HSF2BP: variants seen among roughly 807,000 people sequenced by gnomAD.
HSF2BP encodes heat shock factor 2-binding protein.
HSF2BP carries 35 observed loss-of-function variants against 35.0 expected under a neutral mutation model. That is an observed-to-expected ratio of 1.00 (90% CI 0.76 to 1.32). HSF2BP has a LOEUF of 1.32. Ranked by LOEUF, HSF2BP falls within the 40% of genes most tolerant of loss-of-function variation. The pLI is 0.00. For missense variants in HSF2BP, 326 were observed against 321.7 expected (o/e 1.01, Z -0.10); for synonymous variants, 114 against 117.4 (o/e 0.97, Z 0.18).
At chr21:43,650,202 T>C (rs1020746544) in intron 3 of HSF2BP, among the ~76,000 whole-genome samples, 26 of 152,166 alleles carry the variant, frequency 1.7e-4, no homozygotes, top group African/African-American at 6.3e-4. Flanking sequence ...AACCATCATA[T>C]ACTATTATAT....
intron 8 of HSF2BP, among the ~76,000 whole-genome samples, chr21:43,589,974 G>A (rs1249465552): frequency 2.0e-5 from 3 of 152,130 alleles, no homozygotes; most frequent in Admixed American, 6.5e-5. Context: ...CACTGATTTA[G>A]GAAAAAATTT....
chr21:43,625,201 C>T (rs2082374690), intron 6 of HSF2BP, among the ~76,000 whole-genome samples: 1 of 152,114 alleles, frequency 6.6e-6, no homozygotes, highest in Admixed American at 6.5e-5. Flanking sequence ...ACCAAAATCA[C>T]AGGTCTTCTT....
the HSF2BP span, among the ~76,000 whole-genome samples, chr21:43,459,410 T>C: frequency 1.2e-5 from 1 of 81,202 alleles, no homozygotes; most frequent in Non-Finnish European, 2.5e-5. Flanking sequence ...CCCACTGCCC[T>C]GGTCCCAGCA....
intron 8 of HSF2BP, among the ~76,000 whole-genome samples, chr21:43,586,178 G>A (rs927868456): frequency 2.6e-5 from 4 of 152,146 alleles, no homozygotes; most frequent in South Asian, 2.1e-4. Context: ...CTCTGTCCTC[G>A]TCGGCTATTT....
intron 6 of HSF2BP, among the ~76,000 whole-genome samples, chr21:43,620,240 CA>C (rs2082316702): frequency 6.6e-6 from 1 of 152,192 alleles, no homozygotes; most frequent in South Asian, 2.1e-4. Flanking sequence ...CCCAAACAGA[CA>C]AAGCAAGGAA....
chr21:43,609,637 C>G (rs1252202059), intron 7 of HSF2BP, among the ~76,000 whole-genome samples: 1 of 151,910 alleles, frequency 6.6e-6, no homozygotes, highest in Non-Finnish European at 1.5e-5. Context: ...TGAGAAAGGT[C>G]TTGGGGCTCC....
chr21:43,612,428 G>C (rs978638388), intron 7 of HSF2BP, among the ~76,000 whole-genome samples: 2 of 152,116 alleles, frequency 1.3e-5, no homozygotes, highest in Non-Finnish European at 1.5e-5. Context: ...AAGGCGGGTG[G>C]ATCACGAGGT....
At chr21:43,642,354 C>T (rs2082648218) in intron 4 of HSF2BP, among the ~76,000 whole-genome samples, 1 of 152,114 alleles carries the variant, frequency 6.6e-6, no homozygotes, top group African/African-American at 2.4e-5. Context: ...GAGCAACACC[C>T]TGTCTCAAAA....
intron 3 of HSF2BP, among the ~76,000 whole-genome samples, chr21:43,645,722 G>A (rs2082699675): frequency 6.6e-6 from 1 of 152,150 alleles, no homozygotes; most frequent in South Asian, 2.1e-4. Context: ...CCACCCTAGA[G>A]GAGAAAAAGC....
rs1018319382 is a variant in HSF2BP at position 43,651,008 on chromosome 21, C to G, written c.187+5579G>C. ...CAGGCGTGAGCCACCGCACCCGGCC[C>G]GGTTTACATCTCTTGCAAACATAGC... On this transcript the variant is annotated intron_variant, in intron 3 of 8. Transcript: ENST00000291560. 1.4e-4 allele frequency among the ~76,000 whole-genome samples: 21 copies of G among 152,198 alleles called. No homozygotes were observed. The East Asian group carries it at 3.1e-3, about 22-fold the overall frequency.
intron 7 of HSF2BP, among the ~76,000 whole-genome samples, chr21:43,612,577 G>T (rs2082220683): frequency 6.6e-6 from 1 of 150,540 alleles, no homozygotes; most frequent in Admixed American, 6.7e-5. Context: ...TGTGAACCCG[G>T]GAGGCGGAGC....
chr21:43,575,155 C>T (rs73908321), intron 8 of HSF2BP, among the ~76,000 whole-genome samples: 1,939 of 152,276 alleles, frequency 0.013, 43 homozygotes, highest in African/African-American at 0.043. Context: ...TGGAATTCCT[C>T]AAATGTTACA....
intron 3 of HSF2BP, among the ~76,000 whole-genome samples, chr21:43,650,987 C>T (rs1009574950): frequency 2.0e-5 from 3 of 152,164 alleles, no homozygotes; most frequent in Non-Finnish European, 4.4e-5. Flanking sequence ...GGATTACAGG[C>T]GTGAGCCACC....
At chr21:43,638,163 C>G (rs752990337) in intron 4 of HSF2BP, among the ~76,000 whole-genome samples, 1 of 152,090 alleles carries the variant, frequency 6.6e-6, no homozygotes, top group African/African-American at 2.4e-5. Flanking sequence ...AAAAAGAGTT[C>G]AGAAAGACTA....
chr21:43,647,564 G>A (rs970504922), intron 3 of HSF2BP, among the ~76,000 whole-genome samples: 1 of 152,172 alleles, frequency 6.6e-6, no homozygotes, highest in African/African-American at 2.4e-5. Context: ...CTAATAACAT[G>A]AGAATGGCTG....
chr21:43,583,550 G>A (rs939725601), intron 8 of HSF2BP, among the ~76,000 whole-genome samples: 10 of 136,680 alleles, frequency 7.3e-5, no homozygotes, highest in East Asian at 2.4e-4. Context: ...GGGAGATGAG[G>A]ACCTGCTGAG....
intron 6 of HSF2BP, among the ~76,000 whole-genome samples, chr21:43,620,599 G>A (rs1381344409): frequency 6.6e-6 from 1 of 152,170 alleles, no homozygotes; most frequent in African/African-American, 2.4e-5. Context: ...GGAGGCTGAG[G>A]TGGAAGCACT....
At chr21:43,587,394 G>A (rs1294741731) in intron 8 of HSF2BP, among the ~76,000 whole-genome samples, 1 of 151,586 alleles carries the variant, frequency 6.6e-6, no homozygotes. Context: ...GGCCAGGCAC[G>A]GTAGCTTACG....
At position 43,630,349 on chromosome 21, in the gene HSF2BP, C is replaced by G; in HGVS notation, c.547G>C (p.Val183Leu). 5 of 1,612,442 alleles carry G rather than the reference C, an allele frequency of 3.1e-6. No individual in the cohort carries two copies. The highest frequency in any genetic ancestry group is 4.2e-6 in the Non-Finnish European group (5 of 1,179,488). ...QELDSDESQF[V>L]FALAGIVTNV... ...GTGACAATTCCAGCCAGAGCGAAAA[C>G]AAACTGACTTTCATCCGAATCCAGC... Residue 183 changes from valine (V) to leucine (L), a missense_variant, in exon 6 of 9, where the codon GTT becomes CTT. Val to Leu is a conservative substitution (Grantham distance 32, BLOSUM62 1). Transcript: ENST00000291560.
Sources: allele counts gnomAD v4.1 joint callset (sites outside exome capture counted in the v4.1 genomes callset), GRCh38; gene constraint gnomAD v4.1.1; transcripts MANE v1.5; gene names NCBI Gene and HGNC (gene_info 2026-07-23, HGNC 2026-07-21).